Variants in CCT3 observed in about 807,000 individuals in gnomAD.
CCT3 encodes the protein chaperonin containing TCP1 subunit 3.
A neutral mutation model predicts 65.3 loss-of-function variants in CCT3; 10 were observed. The observed-to-expected ratio is 0.15, with a 90% confidence interval of 0.09 to 0.26. The LOEUF (loss-of-function observed/expected upper bound fraction) is 0.26. CCT3 is among the 10% of genes least tolerant of loss of function. The pLI is 1.00. For missense variants in CCT3, 626 were observed against 708.7 expected (o/e 0.88, Z 1.33); for synonymous variants, 225 against 242.3 (o/e 0.93, Z 0.66).
At chr1:156,328,932 T>A (rs1664983470) in intron 5 of CCT3, among the ~76,000 whole-genome samples, 1 of 152,214 alleles carries the variant, frequency 6.6e-6, no homozygotes, top group Non-Finnish European at 1.5e-5. Context: ...TATATTTTGT[T>A]TCAATTCCAA....
At chr1:156,321,065 G>A (rs375116099) in intron 6 of CCT3, 40 bp from the exon 7 acceptor site, 43 of 1,529,798 alleles carry the variant, frequency 2.8e-5, no homozygotes, top group Non-Finnish European at 3.8e-5. Context: ...AAGAAGGCAT[G>A]TTAGATATGT....
rs538351376 is a variant in CCT3 at position 156,314,348 on chromosome 1, G to A, written c.975-2127C>T. ...ATGTGGCTAAAAAAACTGGCATAGC[G>A]GTGGTGAAGGGTTTCAAGATATGAA... On this transcript the variant is annotated intron_variant, in intron 10 of 13. Transcript: ENST00000295688. 5.3e-5 allele frequency among the ~76,000 whole-genome samples: 8 copies of A among 152,266 alleles called. No homozygotes were observed. In the South Asian group the frequency reaches 6.2e-4, roughly 12 times the overall value.
At chr1:156,326,275 G>C (rs1166548304) in intron 5 of CCT3, among the ~76,000 whole-genome samples, 1 of 152,150 alleles carries the variant, frequency 6.6e-6, no homozygotes, top group Non-Finnish European at 1.5e-5. Context: ...GCTGCAGTGA[G>C]CCGTGATCAC....
intron 5 of CCT3, among the ~76,000 whole-genome samples, chr1:156,328,133 T>C (rs1664928548): frequency 4.5e-5 from 6 of 132,796 alleles, no homozygotes; most frequent in Non-Finnish European, 8.1e-5. Context: ...CGCCTCTGCC[T>C]GGCCACCCCT....
Position 156,320,935 on chromosome 1 carries a change from C to T in CCT3, c.513G>A (p.Leu171=), listed in dbSNP as rs773930834. The change falls in exon 7 of 14, where the codon TTG becomes TTA. Residue 171 remains leucine, a synonymous_variant. Transcript: ENST00000295688. The part of the protein sequence containing the change: ...TTKAISRWSS[L]ACNIALDAVK... ...CAGCATCCAGGGCAATGTTGCAAGC[C>T]AAAGATGACCACCGACTGATGGCTT... 6.2e-7 allele frequency: 1 copy of T among 1,613,834 alleles called. No individual in the cohort carries two copies. Among genetic ancestry groups the T allele is most frequent in the Non-Finnish European group, 8.5e-7 (1 of 1,179,924 alleles).
intron 5 of CCT3, among the ~76,000 whole-genome samples, chr1:156,328,378 G>C (rs1041634152): frequency 6.6e-6 from 1 of 152,084 alleles, no homozygotes; most frequent in African/African-American, 2.4e-5. Context: ...CATTGAGAAC[G>C]GGCCATGATG....
chr1:156,317,429 T>G lies in CCT3; in HGVS notation c.878A>C (p.Glu293Ala). Reference protein sequence around the residue: ...IQLKPDVVITEKGISDLAQHY... With the variant: ...IQLKPDVVITAKGISDLAQHY... ...CAAAGTCCCACCTGAGATGCCCTTT[T>G]CAGTGATGACCACATCGGGCTTCAG... The change falls in exon 9 of 14, where the codon GAA (glutamate) becomes GCA (alanine). Residue 293 changes from glutamate (E) to alanine (A), a missense_variant. By Grantham distance (107) the Glu-to-Ala change is moderately radical (BLOSUM62 -1). Transcript: ENST00000295688. 1 of 1,611,278 alleles carries G rather than the reference T, an allele frequency of 6.2e-7. No individual in the cohort carries two copies. The highest frequency in any genetic ancestry group is 1.1e-5 in the South Asian group (1 of 90,990).
intron 5 of CCT3, among the ~76,000 whole-genome samples, 182 bp from the exon 6 acceptor site, chr1:156,325,271 T>A (rs575983236): frequency 9.1e-4 from 139 of 152,270 alleles, no homozygotes; most frequent in African/African-American, 3.3e-3. Context: ...ACAGAAAACA[T>A]CCTTGTTGCC....
rs1432367388 is a variant in CCT3, at chr1:156,317,403, A to T, written c.892+12T>A. On this transcript the variant is annotated intron_variant, in intron 9 of 13. Transcript: ENST00000295688. ...CCTCAAAGGTAGGCTGGAAAAAGTA[A>T]CAAAGTCCCACCTGAGATGCCCTTT... 1 of 1,604,884 alleles carries T rather than the reference A, an allele frequency of 6.2e-7. No individual in the cohort carries two copies. Among genetic ancestry groups the T allele is most frequent in the African/African-American group, 1.3e-5 (1 of 74,730 alleles).
At position 156,309,116 on chromosome 1, in the gene CCT3, C is replaced by T. The variant is rs768616584; in HGVS notation, c.*83G>A. ...CAACCTGATCCCTTCTGAACAAAGA[C>T]GTCCACAGTGTTCCTGGCACTCTGG... is the stretch of plus-strand genomic sequence containing the variant. On this transcript the variant is annotated 3_prime_UTR_variant, in exon 14 of 14. Coordinates refer to ENST00000295688, the MANE Select transcript of CCT3 (RefSeq NM_005998.5). 35 of 925,060 alleles carry T rather than the reference C, an allele frequency of 3.8e-5. 1 individual carries two copies. The highest frequency in any genetic ancestry group is 1.3e-4 in the South Asian group (10 of 76,366). The allele number at this position is 925,060 out of a possible 1,614,324, so 57.3% of individuals were successfully genotyped here. A position where few individuals can be genotyped will look rare whatever the true frequency, so the allele number is the denominator to read the frequency against.
At chr1:156,319,896 G>A (rs967066397) in intron 7 of CCT3, among the ~76,000 whole-genome samples, 2 of 152,080 alleles carry the variant, frequency 1.3e-5, no homozygotes, top group South Asian at 4.1e-4. Context: ...CTACATAATA[G>A]AGCCCTTGTT....
chr1:156,330,454 T>G (rs976165077), intron 5 of CCT3, among the ~76,000 whole-genome samples: 1 of 151,758 alleles, frequency 6.6e-6, no homozygotes. Flanking sequence ...CTGAGGTTGA[T>G]AGAGTTTGAC....
Position 156,312,116 on chromosome 1 carries a change from A to G in CCT3, c.1080T>C (p.Phe360=), listed in dbSNP as rs1008177749. Residue 360 remains phenylalanine, a synonymous_variant, in exon 11 of 14, where the codon TTT becomes TTC. Coordinates refer to ENST00000295688, the MANE Select transcript of CCT3 (RefSeq NM_005998.5). ...GGTCTTTGCAGTCAGTGATGAAAGTAAAGTATTCATCTCCAATTTTCTTGA... is the reference window on the plus strand; with the variant it reads ...GGTCTTTGCAGTCAGTGATGAAAGTGAAGTATTCATCTCCAATTTTCTTGA... The part of the protein sequence containing the change: ...LEIKKIGDEY[F]TFITDCKDPK... 31 of 1,613,656 alleles carry G rather than the reference A, an allele frequency of 1.9e-5. No homozygotes were observed. The highest frequency in any genetic ancestry group is 2.4e-5 in the Non-Finnish European group (28 of 1,179,846).
chr1:156,327,331 C>G (rs1355282067), intron 5 of CCT3, among the ~76,000 whole-genome samples: 1 of 152,212 alleles, frequency 6.6e-6, no homozygotes, highest in African/African-American at 2.4e-5. Flanking sequence ...CGGTCTCCCT[C>G]TGATGCCGAG....
Position 156,309,141 on chromosome 1 carries a change from G to T in CCT3, c.*58C>A. 1 of 1,162,336 alleles carries T rather than the reference G, an allele frequency of 8.6e-7. No individual in the cohort carries two copies. Among genetic ancestry groups the T allele is most frequent in the Non-Finnish European group, 1.3e-6 (1 of 770,534 alleles). The allele number at this position is 1,162,336 out of a possible 1,614,324, so 72.0% of individuals were successfully genotyped here. A position where few individuals can be genotyped will look rare whatever the true frequency, so the allele number is the denominator to read the frequency against. On this transcript the variant is annotated 3_prime_UTR_variant, in exon 14 of 14. Transcript: ENST00000295688. ...CGTCCACAGTGTTCCTGGCACTCTG[G>T]CTCAGGAAAAGGGGAGACTCTGCTG...
chr1:156,312,025 T>A lies in CCT3; in HGVS notation c.1155+16A>T. Reference sequence around the variant, plus strand: ...GTGATCTACTTCATCTGGTCATACATCCAAGGCTGACTCACCGAGAGAATC... The same window carrying A: ...GTGATCTACTTCATCTGGTCATACAACCAAGGCTGACTCACCGAGAGAATC... On this transcript the variant is annotated intron_variant, in intron 11 of 13. Transcript: ENST00000295688. The A allele has an allele frequency of 1.3e-6, 2 of 1,597,266 alleles. No homozygotes were observed. The highest frequency in any genetic ancestry group is 1.4e-5 in the African/African-American group (1 of 72,610).
In CCT3 at chr1:156,310,626, C is replaced by A; in HGVS notation, c.1465G>T (p.Asp489Tyr). 3 of 1,614,056 alleles carry A rather than the reference C, an allele frequency of 1.9e-6. No individual in the cohort carries two copies. The highest frequency in any genetic ancestry group is 2.5e-6 in the Non-Finnish European group (3 of 1,179,912). Residue 489 changes from aspartate to tyrosine, a missense_variant, in exon 13 of 14, where the codon GAC (aspartate) becomes TAC (tyrosine). Asp to Tyr is a radical substitution (Grantham distance 160). Transcript: ENST00000295688. ...TCCCATATGCCCAGTTCCTTCATGT[C>A]CACCAAAGTACCCGTCTCACCATTT... is the stretch of plus-strand genomic sequence containing the variant. ...GVNGETGTLVDMKELGIWEPL... is the reference protein window; with the variant it reads ...GVNGETGTLVYMKELGIWEPL...
chr1:156,324,539 T>C (rs947365078), intron 6 of CCT3, among the ~76,000 whole-genome samples: 3 of 152,140 alleles, frequency 2.0e-5, no homozygotes, highest in African/African-American at 7.2e-5. Context: ...TGGAGAGATC[T>C]TGGCTCACTG....
At chr1:156,327,491 C>T (rs1664875132) in intron 5 of CCT3, among the ~76,000 whole-genome samples, 1 of 152,212 alleles carries the variant, frequency 6.6e-6, no homozygotes, top group Non-Finnish European at 1.5e-5. Context: ...CGGGGTTTCG[C>T]TGTGTTGGCC....
Sources: allele counts gnomAD v4.1 joint callset (sites outside exome capture counted in the v4.1 genomes callset), GRCh38; gene constraint gnomAD v4.1.1; transcripts MANE v1.5; gene names NCBI Gene and HGNC (gene_info 2026-07-23, HGNC 2026-07-21).